Variants in LARGE1 observed in about 807,000 individuals in gnomAD.
LARGE1 encodes the protein LARGE xylosyl- and glucuronyltransferase 1, also known as xylosyl- and glucuronyltransferase LARGE1.
LARGE1 carries 43 observed loss-of-function variants against 87.6 expected under a neutral mutation model. The observed-to-expected ratio is 0.49, with a 90% CI of 0.38 to 0.63. LARGE1 has a LOEUF of 0.63. Ranked by LOEUF, LARGE1 falls within the 30% of genes least tolerant of loss-of-function variation. The pLI is 0.00. For missense variants in LARGE1, 802 were observed against 1,000.2 expected, an observed-to-expected ratio of 0.80 and a Z score of 2.67; for synonymous variants, 434 against 394.6, an observed-to-expected ratio of 1.10 and a Z score of -1.18.
At chr22:33,751,772 C>A (rs1219207013) in intron 2 of LARGE1, among the ~76,000 whole-genome samples, 1 of 143,972 alleles carries the variant, frequency 6.9e-6, no homozygotes, top group Non-Finnish European at 1.5e-5. Context: ...TGCCACTATT[C>A]TTTTTTTTTT....
At chr22:33,653,508 T>C (rs554557330) in intron 2 of LARGE1, among the ~76,000 whole-genome samples, 5 of 152,290 alleles carry the variant, frequency 3.3e-5, no homozygotes, top group South Asian at 2.1e-4. Flanking sequence ...AATTAACAAA[T>C]GGGACCTGTG....
chr22:33,803,925 G>A (rs1384675446), intron 1 of LARGE1, among the ~76,000 whole-genome samples: 1 of 152,208 alleles, frequency 6.6e-6, no homozygotes, highest in Non-Finnish European at 1.5e-5. Flanking sequence ...GTCTGAGAAT[G>A]ATGGGAACCC....
Position 33,287,226 on chromosome 22 carries a change from A to G in LARGE1, c.1731-3878T>C, listed in dbSNP as rs190017048. On this transcript the variant is annotated intron_variant, in intron 12 of 14. Coordinates refer to ENST00000397394, the MANE Select transcript of LARGE1 (RefSeq NM_133642.5). The stretch of plus-strand genomic sequence containing the variant: ...CTTTGATTTGTTTGTATTTTACTTA[A>G]GCTACCTGGTATTAGTTTCTGTTGC... 1.4e-4 allele frequency among the ~76,000 whole-genome samples: 21 copies of G among 152,292 alleles called. No homozygotes were observed. The East Asian group carries it at 3.5e-3, about 25-fold the overall frequency.
chr22:33,919,401 A>G (rs1262435524), intron 1 of LARGE1, among the ~76,000 whole-genome samples: 2 of 152,214 alleles, frequency 1.3e-5, no homozygotes, highest in Non-Finnish European at 2.9e-5. Flanking sequence ...GAATGTCTGG[A>G]TAGCTATACA....
At chr22:33,423,218 G>C (rs1012584449) in intron 7 of LARGE1, among the ~76,000 whole-genome samples, 4 of 152,100 alleles carry the variant, frequency 2.6e-5, no homozygotes, top group Non-Finnish European at 5.9e-5. Context: ...AGTGAAGACA[G>C]TTCTATCCCA....
Position 33,541,734 on chromosome 22 carries a change from T to C in LARGE1, c.787+23114A>G, listed in dbSNP as rs535912691. Among the ~76,000 whole-genome samples the C allele has an allele frequency of 2.1e-5, 3 of 142,644 alleles. No homozygotes were observed. The East Asian group carries it at 6.0e-4, about 28-fold the overall frequency. 93.6% of individuals were successfully genotyped at this position (142,644 alleles called of 152,430 possible). A position where few individuals can be genotyped will look rare whatever the true frequency, so the allele number is the denominator to read the frequency against. The stretch of plus-strand genomic sequence containing the variant: ...ACTGTTCTACAAGGAAAACACATTT[T>C]CTTTCCAAAAATTAAAAAAAAAAAA... On this transcript the variant is annotated intron_variant, in intron 6 of 14. Coordinates refer to ENST00000397394, the MANE Select transcript of LARGE1 (RefSeq NM_133642.5).
intron 6 of LARGE1, among the ~76,000 whole-genome samples, chr22:33,482,559 A>C (rs2069373132): frequency 6.6e-6 from 1 of 152,134 alleles, no homozygotes; most frequent in African/African-American, 2.4e-5. Flanking sequence ...GTTGGGGGCT[A>C]GGGGAGAGAG....
intron 1 of LARGE1, among the ~76,000 whole-genome samples, chr22:33,789,230 C>T (rs1456260353): frequency 1.3e-5 from 2 of 152,214 alleles, no homozygotes; most frequent in Admixed American, 6.5e-5. Flanking sequence ...GCCATTGCTT[C>T]GGAGGGTGCA....
At chr22:33,184,379 A>T (rs1923363326) in intron 11 of LARGE1, among the ~76,000 whole-genome samples, 1 of 151,276 alleles carries the variant, frequency 6.6e-6, no homozygotes, top group South Asian at 2.1e-4. Context: ...AGAATAAAAA[A>T]TATTATAAAT....
chr22:33,896,556 A>G (rs1720448058), intron 1 of LARGE1, among the ~76,000 whole-genome samples: 1 of 152,196 alleles, frequency 6.6e-6, no homozygotes, highest in Admixed American at 6.5e-5. Context: ...ACAGAGGCAT[A>G]GGAAAGTAAA....
At chr22:33,731,651 C>A (rs1223333359) in intron 2 of LARGE1, among the ~76,000 whole-genome samples, 2 of 151,830 alleles carry the variant, frequency 1.3e-5, no homozygotes, top group African/African-American at 4.8e-5. Flanking sequence ...AACACAGAGC[C>A]TATAGTTAAC....
At chr22:33,678,235 G>C (rs766443246) in intron 2 of LARGE1, among the ~76,000 whole-genome samples, 1 of 152,158 alleles carries the variant, frequency 6.6e-6, no homozygotes, top group African/African-American at 2.4e-5. Context: ...CTTATTTTAC[G>C]TAAAGGGATA....
chr22:33,432,244 AC>A lies in LARGE1; in HGVS notation c.808del (p.Val270TrpfsTer30). 1 of 1,614,084 alleles carries A rather than the reference AC, an allele frequency of 6.2e-7. No individual in the cohort carries two copies. The highest frequency in any genetic ancestry group is 8.5e-7 in the Non-Finnish European group (1 of 1,179,944). On this transcript the variant is annotated frameshift_variant, in exon 7 of 15. Transcript: ENST00000397394. LOFTEE classifies it high-confidence loss of function. Reference protein sequence around the residue: ...KFKGQQVLGLVENQSDWYLGN... With the variant: ...KFKGQQVLGLXENQSDWYLGN... ...AAGGTACCAGTCACTCTGGTTCTCC[AC>A]CAAGCCCAGGACTTGCTGACCTGTG...
intron 1 of LARGE1, among the ~76,000 whole-genome samples, chr22:33,810,913 G>A (rs957071022): frequency 6.6e-6 from 1 of 152,050 alleles, no homozygotes; most frequent in African/African-American, 2.4e-5. Flanking sequence ...TAGTACAGAC[G>A]GGGTTTCACC....
chr22:33,126,816 G>T, the LARGE1 span, among the ~76,000 whole-genome samples: 1 of 152,170 alleles, frequency 6.6e-6, no homozygotes, highest in Non-Finnish European at 1.5e-5. Context: ...TACCCCACTG[G>T]CACCTGATGC....
chr22:33,370,689 T>C (rs548538326), intron 9 of LARGE1, among the ~76,000 whole-genome samples: 3 of 151,802 alleles, frequency 2.0e-5, no homozygotes, highest in Non-Finnish European at 4.4e-5. Flanking sequence ...TATTATGTTA[T>C]ATAATATGTT....
At chr22:33,337,542 C>G (rs1239392092) in intron 10 of LARGE1, 104 bp downstream of exon 10, 4 of 1,399,722 alleles carry the variant, frequency 2.9e-6, no homozygotes, top group Admixed American at 1.9e-5. Context: ...TTGTGTTCAC[C>G]TAGGTCCTGC....
intron 9 of LARGE1, among the ~76,000 whole-genome samples, chr22:33,369,467 T>TC (rs1423797134): frequency 0.011 from 1,607 of 152,116 alleles, 19 homozygotes; most frequent in Middle Eastern, 0.044. Context: ...GGTTTTTTTT[T>TC]CCCCAAATTA....
chr22:33,637,469 T>C (rs1275869264), intron 3 of LARGE1, among the ~76,000 whole-genome samples: 1 of 152,050 alleles, frequency 6.6e-6, no homozygotes, highest in Non-Finnish European at 1.5e-5. Context: ...AAAGATCCCT[T>C]CCCCCTGGTT....
Sources: gnomAD v4.1 joint callset for allele counts (sites outside exome capture counted in the v4.1 genomes callset) on GRCh38, gnomAD v4.1.1 for gene constraint, MANE v1.5 for transcripts, NCBI Gene and HGNC (gene_info 2026-07-23, HGNC 2026-07-21) for gene names.